SKIL: variants seen among roughly 807,000 people sequenced by gnomAD.
SKIL encodes the protein SKI like proto-oncogene, also known as ski-like protein.
In SKIL, 20 loss-of-function variants were observed where a neutral mutation model predicts 69.6. The ratio of observed to expected loss-of-function variants is 0.29; its 90% CI spans 0.20 to 0.42. The LOEUF (loss-of-function observed/expected upper bound fraction) is 0.42. Among genes scored for constraint, SKIL ranks in the 10% least tolerant of loss-of-function variants. The probability of loss-of-function intolerance (pLI) is 1.00; values close to 1 mark genes in which losing one functional copy is unlikely to be tolerated. For synonymous variants in SKIL, 310 were observed against 279.9 expected (o/e 1.11, Z -1.08); for missense variants, 745 against 783.1 (o/e 0.95, Z 0.58).
intron 2 of SKIL, among the ~76,000 whole-genome samples, chr3:170,365,665 T>A (rs1199671950): frequency 6.6e-6 from 1 of 152,026 alleles, no homozygotes; most frequent in Non-Finnish European, 1.5e-5. Flanking sequence ...GAGGAACAGT[T>A]TTTATTTTCT....
At chr3:170,380,044 G>A (rs962026282) in intron 2 of SKIL, among the ~76,000 whole-genome samples, 1 of 152,078 alleles carries the variant, frequency 6.6e-6, no homozygotes, top group African/African-American at 2.4e-5. Context: ...GATGTATAAA[G>A]TTCTCAGCCC....
In SKIL at chr3:170,361,249, T is replaced by G. The variant is rs1395448857; in HGVS notation, c.918T>G (p.His306Gln). 6.2e-7 allele frequency: 1 copy of G among 1,614,096 alleles called. No homozygotes were observed. Among genetic ancestry groups the G allele is most frequent in the African/African-American group, 1.3e-5 (1 of 74,934 alleles). ...GMFAPQTFVM[H>Q]SHRSPDKRTC... ...TTGCACCCCAGACGTTTGTGATGCATTCTCACAGATCACCTGACAAAAGAA... is the reference window on the plus strand; with the variant it reads ...TTGCACCCCAGACGTTTGTGATGCAGTCTCACAGATCACCTGACAAAAGAA... The change falls in exon 2 of 7, where the codon CAT (histidine) becomes CAG (glutamine). Residue 306 changes from histidine (H) to glutamine (Q), a missense_variant. Coordinates refer to ENST00000259119, the MANE Select transcript of SKIL (RefSeq NM_005414.5).
intron 4 of SKIL, among the ~76,000 whole-genome samples, chr3:170,387,803 G>A (rs1163995958): frequency 3.5e-5 from 5 of 142,576 alleles, no homozygotes; most frequent in African/African-American, 1.3e-4. Context: ...GCGTAGTGGC[G>A]GGCGCCTGTA....
In SKIL at chr3:170,380,603, A is replaced by C. The variant is rs187511920; in HGVS notation, c.1099-641A>C. Among the ~76,000 whole-genome samples, 31 of 152,090 alleles carry C rather than the reference A, an allele frequency of 2.0e-4. No homozygotes were observed. In the East Asian group the frequency reaches 4.8e-3, roughly 24 times the overall value. Reference sequence around the variant, plus strand: ...GGTTGCAGTGAGCCAAGATCGCGCCACTGCACTCCAGCCTGGGTGACAGAG... The same window carrying C: ...GGTTGCAGTGAGCCAAGATCGCGCCCCTGCACTCCAGCCTGGGTGACAGAG... On this transcript the variant is annotated intron_variant, in intron 2 of 6. Coordinates refer to ENST00000259119, the MANE Select transcript of SKIL (RefSeq NM_005414.5).
At chr3:170,378,388 G>T (rs1737143121) in intron 2 of SKIL, among the ~76,000 whole-genome samples, 1 of 152,096 alleles carries the variant, frequency 6.6e-6, no homozygotes, top group Non-Finnish European at 1.5e-5. Context: ...CCAGAGTTTG[G>T]ATAGTTTAGA....
chr3:170,381,288 T>C lies in SKIL; in HGVS notation c.1143T>C (p.Val381=), dbSNP rs752141094. The C allele has an allele frequency of 1.0e-5, 16 of 1,601,602 alleles. No homozygotes were observed. In the East Asian group the frequency reaches 3.1e-4, roughly 31 times the overall value. ...TGGAATTACAGTCATGGTATCCTGT[T>C]ATAAAGCAGGAAGGTGACCATGTTT... The part of the protein sequence containing the change: ...SGMELQSWYP[V]IKQEGDHVSQ... Residue 381 remains valine, a synonymous_variant, in exon 3 of 7, where the codon GTT becomes GTC. Coordinates refer to ENST00000259119, the MANE Select transcript of SKIL (RefSeq NM_005414.5).
intron 4 of SKIL, among the ~76,000 whole-genome samples, chr3:170,387,021 CTT>C (rs2108221659): frequency 6.6e-6 from 1 of 151,914 alleles, no homozygotes; most frequent in East Asian, 1.9e-4. Context: ...GTTTTCTTTT[CTT>C]TCTTTTTTTT....
chr3:170,364,702 GA>G (rs1168340461), intron 2 of SKIL, among the ~76,000 whole-genome samples: 1 of 151,684 alleles, frequency 6.6e-6, no homozygotes, highest in South Asian at 2.1e-4. Flanking sequence ...GTGTTTATGT[GA>G]AAAACATCTG....
intron 6 of SKIL, among the ~76,000 whole-genome samples, chr3:170,391,940 T>C (rs1252065545): frequency 1.3e-5 from 2 of 152,156 alleles, no homozygotes; most frequent in African/African-American, 4.8e-5. Flanking sequence ...CAATTCTCTT[T>C]TGTTAATAGA....
rs766242304 is a variant in SKIL at position 170,392,397 on chromosome 3, T to A, written c.2035T>A (p.Ser679Thr). The change falls in exon 7 of 7, where the codon TCA becomes ACA. Residue 679 changes from serine to threonine, a missense_variant. Ser to Thr is a moderately conservative substitution (Grantham distance 58). Transcript: ENST00000259119. ...KELKLQILKS[S>T]KTAKE ...GCTAAAGCTGCAAATTCTGAAATCA[T>A]CAAAGACTGCTAAAGAATAGAAACT... The A allele has an allele frequency of 2.1e-5, 34 of 1,610,606 alleles. No homozygotes were observed. The highest frequency in any genetic ancestry group is 1.1e-4 in the South Asian group (10 of 90,654).
In SKIL at chr3:170,360,578, A is replaced by T; in HGVS notation, c.247A>T (p.Asn83Tyr). The T allele has an allele frequency of 6.2e-7, 1 of 1,614,242 alleles. No homozygotes were observed. The highest frequency in any genetic ancestry group is 8.5e-7 in the Non-Finnish European group (1 of 1,180,048). Residue 83 changes from asparagine to tyrosine, a missense_variant, in exon 2 of 7, where the codon AAT becomes TAT. By Grantham distance (143) the Asn-to-Tyr change is moderately radical. Coordinates refer to ENST00000259119, the MANE Select transcript of SKIL (RefSeq NM_005414.5). ...CTSVPETLHL[N>Y]PSLKHTLAQF... ...TTCTGTTCCTGAAACTTTGCATTTAAATCCCAGTTTGAAACACACATTGGC... is the reference window on the plus strand; with the variant it reads ...TTCTGTTCCTGAAACTTTGCATTTATATCCCAGTTTGAAACACACATTGGC...
intron 2 of SKIL, among the ~76,000 whole-genome samples, chr3:170,380,642 CAAAAA>C (rs748457886): frequency 7.2e-6 from 1 of 139,268 alleles, no homozygotes. Context: ...GACTCCATCT[CAAAAA>C]AAAAAAAAAA....
intron 1 of SKIL, chr3:170,357,995 G>T (rs892357730): frequency 6.6e-6 from 1 of 152,362 alleles, no homozygotes; most frequent in African/African-American, 2.4e-5. Context: ...CGCTTCGTTG[G>T]CCCCAGGCGG....
intron 1 of SKIL, among the ~76,000 whole-genome samples, chr3:170,359,075 C>T (rs1441360687): frequency 6.6e-6 from 1 of 152,072 alleles, no homozygotes; most frequent in Admixed American, 6.5e-5. Flanking sequence ...TTTTCCCTCC[C>T]TTAAAATGGC....
rs781731304 is a variant in SKIL at position 170,360,546 on chromosome 3, C to T, written c.215C>T (p.Thr72Ile). 1.2e-6 allele frequency: 2 copies of T among 1,614,222 alleles called. No individual in the cohort carries two copies. The highest frequency in any genetic ancestry group is 1.7e-6 in the Non-Finnish European group (2 of 1,180,042). Residue 72 changes from threonine (T) to isoleucine (I), a missense_variant, in exon 2 of 7, where the codon ACC becomes ATC. Thr to Ile is a moderately conservative substitution (Grantham distance 89). Coordinates refer to ENST00000259119, the MANE Select transcript of SKIL (RefSeq NM_005414.5). ...VETDGEHVKR[T>I]CTSVPETLHL... The stretch of plus-strand genomic sequence containing the variant: ...ACTGATGGAGAGCATGTTAAGCGAA[C>T]CTGTACTTCTGTTCCTGAAACTTTG...
At chr3:170,374,967 C>T (rs965033434) in intron 2 of SKIL, among the ~76,000 whole-genome samples, 1 of 152,116 alleles carries the variant, frequency 6.6e-6, no homozygotes, top group African/African-American at 2.4e-5. Context: ...AAAAGGCTAC[C>T]TTGGGAATTA....
intron 2 of SKIL, among the ~76,000 whole-genome samples, chr3:170,363,436 C>A (rs1004501871): frequency 6.6e-6 from 1 of 151,798 alleles, no homozygotes; most frequent in African/African-American, 2.4e-5. Context: ...TTTGAAATTT[C>A]TTGCCAGTGG....
rs1738168344 is a variant in SKIL at position 170,396,039 on chromosome 3, ATT to A, written c.*3623_*3624del. 8 of 139,626 alleles carry A rather than the reference ATT, an allele frequency of 5.7e-5. No individual in the cohort carries two copies. Among genetic ancestry groups the A allele is most frequent in the African/African-American group, 1.9e-4 (7 of 37,428 alleles). 8.6% of individuals were successfully genotyped at this position (139,626 alleles called of 1,614,324 possible). On this transcript the variant is annotated 3_prime_UTR_variant, in exon 7 of 7. Transcript: ENST00000259119. ...TTTTTTTTTTTTTGTAAATCCATTC[ATT>A]GAAATGGTTTCTAAACTGTATAATG...
intron 2 of SKIL, among the ~76,000 whole-genome samples, chr3:170,367,412 T>A (rs900430532): frequency 1.3e-5 from 2 of 149,520 alleles, no homozygotes; most frequent in Non-Finnish European, 3.0e-5. Context: ...TTCCCTATTG[T>A]AGCATGTGGC....
Sources: allele counts gnomAD v4.1 joint callset (sites outside exome capture counted in the v4.1 genomes callset), GRCh38; gene constraint gnomAD v4.1.1; transcripts MANE v1.5; gene names NCBI Gene and HGNC (gene_info 2026-07-23, HGNC 2026-07-21).